The following DCDC1 variants were observed in gnomAD, a reference collection of about 807,000 sequenced individuals.
DCDC1 encodes doublecortin domain-containing protein 1.
A neutral mutation model predicts 178.3 loss-of-function variants in DCDC1; 200 were observed. The ratio of observed to expected loss-of-function variants is 1.12; its 90% CI spans 1.00 to 1.26. The LOEUF is 1.26. Among genes scored for constraint, DCDC1 ranks in the 50% most tolerant of loss-of-function variants. The pLI, the probability that DCDC1 is intolerant of heterozygous loss-of-function variation, is 0.00. For missense variants in DCDC1, 1,983 were observed against 1,749.2 expected (o/e 1.13, Z -2.38); for synonymous variants, 690 against 604.8 (o/e 1.14, Z -2.07).
intron 25 of DCDC1, 62 bp downstream of exon 25, chr11:30,920,714 G>A (rs149240973): frequency 2.0e-5 from 32 of 1,581,670 alleles, no homozygotes; most frequent in Middle Eastern, 1.7e-4. Context: ...TGCTGTTATC[G>A]GGCTAATGAG....
At chr11:30,883,557 T>C in intron 36 of DCDC1, 1 of 382,116 alleles carries the variant, frequency 2.6e-6, no homozygotes. Context: ...ATGACTAAGA[T>C]TTAAATATTA....
intron 20 of DCDC1, among the ~76,000 whole-genome samples, chr11:30,956,158 T>A (rs967668248): frequency 6.6e-6 from 1 of 152,172 alleles, no homozygotes; most frequent in African/African-American, 2.4e-5. Context: ...GCATTCATGT[T>A]GGGGAAAATT....
chr11:30,931,736 AG>A, intron 22 of DCDC1, 34 bp downstream of exon 22: 1 of 1,567,576 alleles, frequency 6.4e-7, no homozygotes, highest in Non-Finnish European at 8.7e-7. Context: ...CAAACTAGAA[AG>A]TGTATTTAAT....
At chr11:30,934,939 T>C (rs1488116501) in intron 21 of DCDC1, among the ~76,000 whole-genome samples, 1 of 152,236 alleles carries the variant, frequency 6.6e-6, no homozygotes, top group Non-Finnish European at 1.5e-5. Context: ...TATTAGGGTC[T>C]GGGTTTGGAG....
chr11:31,151,800 C>T (rs891866826), intron 9 of DCDC1, among the ~76,000 whole-genome samples: 2 of 152,156 alleles, frequency 1.3e-5, no homozygotes, highest in Non-Finnish European at 2.9e-5. Flanking sequence ...ACATCTTAAG[C>T]AGACCTATAA....
intron 21 of DCDC1, among the ~76,000 whole-genome samples, chr11:30,946,121 AC>A (rs944090422): frequency 2.0e-5 from 3 of 152,136 alleles, no homozygotes; most frequent in African/African-American, 7.2e-5. Flanking sequence ...AAAGAGGTCC[AC>A]AGTGTCCATA....
intron 9 of DCDC1, among the ~76,000 whole-genome samples, chr11:31,196,169 C>T (rs531201384): frequency 2.6e-5 from 4 of 152,074 alleles, no homozygotes; most frequent in African/African-American, 9.6e-5. Context: ...TTCACCCTCA[C>T]AGTTGTTGTA....
chr11:31,077,572 G>C (rs1338399948), intron 18 of DCDC1, among the ~76,000 whole-genome samples: 1 of 152,036 alleles, frequency 6.6e-6, no homozygotes. Context: ...GTTTCCCAAA[G>C]TACCAAATTC....
intron 20 of DCDC1, among the ~76,000 whole-genome samples, chr11:31,049,318 G>A (rs1018647098): frequency 6.6e-6 from 1 of 152,160 alleles, no homozygotes. Context: ...CACTAGTGAT[G>A]GCACGGAAAG....
intron 20 of DCDC1, among the ~76,000 whole-genome samples, chr11:31,025,871 C>G (rs545337378): frequency 2.7e-4 from 41 of 151,822 alleles, no homozygotes; most frequent in Non-Finnish European, 5.6e-4. Context: ...TACAGCCAAT[C>G]TGATACATGG....
intron 17 of DCDC1, among the ~76,000 whole-genome samples, chr11:31,088,286 G>A (rs1218405159): frequency 6.6e-6 from 1 of 151,742 alleles, no homozygotes; most frequent in Admixed American, 6.6e-5. Flanking sequence ...TATTAAATGG[G>A]GTGTTTACAT....
At chr11:30,992,115 A>G (rs1373870743) in intron 20 of DCDC1, among the ~76,000 whole-genome samples, 1 of 152,194 alleles carries the variant, frequency 6.6e-6, no homozygotes, top group Non-Finnish European at 1.5e-5. Context: ...CTTAAGAAAA[A>G]CATAAATAAA....
chr11:31,115,660 T>G (rs2135840321), intron 11 of DCDC1, among the ~76,000 whole-genome samples: 1 of 152,244 alleles, frequency 6.6e-6, no homozygotes, highest in Non-Finnish European at 1.5e-5. Context: ...ACATGTTGTC[T>G]TGGATTGGGG....
At chr11:30,909,933 C>G (rs1333393572) in intron 28 of DCDC1, among the ~76,000 whole-genome samples, 1 of 151,692 alleles carries the variant, frequency 6.6e-6, no homozygotes, top group Non-Finnish European at 1.5e-5. Flanking sequence ...CCTCAAGGAA[C>G]TTTTATAATT....
chr11:31,081,613 A>G (rs1957179547), intron 17 of DCDC1, among the ~76,000 whole-genome samples: 1 of 152,138 alleles, frequency 6.6e-6, no homozygotes, highest in Admixed American at 6.5e-5. Flanking sequence ...TCCATCTCAA[A>G]AAAAAAAGAA....
intron 7 of DCDC1, among the ~76,000 whole-genome samples, chr11:31,277,675 G>A (rs1292042318): frequency 2.0e-5 from 3 of 152,000 alleles, no homozygotes; most frequent in Non-Finnish European, 4.4e-5. Flanking sequence ...TAATAATACT[G>A]AGCATCTTTT....
In DCDC1 at chr11:31,341,382, TATAGATAGATAG is replaced by T. The variant is rs10552471; in HGVS notation, c.-124-5830_-124-5819del. Among the ~76,000 whole-genome samples the T allele has an allele frequency of 4.1e-3, 551 of 134,794 alleles. 6 individuals carry two copies. The highest frequency in any genetic ancestry group is 0.024 in the South Asian group (98 of 4,112). 88.4% of individuals were successfully genotyped at this position (134,794 alleles called of 152,430 possible). A position where few individuals can be genotyped will look rare whatever the true frequency, so the allele number is the denominator to read the frequency against. On this transcript the variant is annotated intron_variant, in intron 1 of 38. Transcript: ENST00000684477. ...TGGTTAAGAATGGAAATTCCAGTTT[TATAGATAGATAG>T]ATAGATAGATAGATAGATAGATAGA... is the stretch of plus-strand genomic sequence containing the variant.
At chr11:31,368,627 T>C (rs1180197808) in intron 1 of DCDC1, among the ~76,000 whole-genome samples, 2 of 152,214 alleles carry the variant, frequency 1.3e-5, no homozygotes, top group African/African-American at 4.8e-5. Context: ...AGTTATTCTT[T>C]ATAGTTCATA....
chr11:31,006,677 C>T, intron 20 of DCDC1, among the ~76,000 whole-genome samples: 1 of 152,200 alleles, frequency 6.6e-6, no homozygotes, highest in African/African-American at 2.4e-5. Flanking sequence ...ATTGACAATA[C>T]TTTGTCTGGA....
Sources: gnomAD v4.1 joint callset for allele counts (sites outside exome capture counted in the v4.1 genomes callset) on GRCh38, gnomAD v4.1.1 for gene constraint, MANE v1.5 for transcripts, NCBI Gene and HGNC (gene_info 2026-07-23, HGNC 2026-07-21) for gene names.